The following SYNPR variants were observed in gnomAD, a reference collection of about 807,000 sequenced individuals.
SYNPR encodes synaptoporin.
In SYNPR, 23 loss-of-function variants were observed where a neutral mutation model predicts 32.9. The ratio of observed to expected loss-of-function variants is 0.70; its 90% confidence interval spans 0.50 to 0.99. SYNPR has a LOEUF of 0.99. Among genes scored for constraint, SYNPR ranks in the 50% least tolerant of loss-of-function variants. SYNPR has a pLI of 0.00. For missense variants in SYNPR, 318 were observed against 349.3 expected (o/e 0.91, Z 0.71); for synonymous variants, 146 against 135.9 (o/e 1.07, Z -0.52).
chr3:63,349,725 TCTGGAGAATCCAAGTTCCTTCTA>T (rs775072860), intron 2 of SYNPR, among the ~76,000 whole-genome samples: 133 of 152,284 alleles, frequency 8.7e-4, no homozygotes, highest in Non-Finnish European at 1.4e-3. Flanking sequence ...TTTTCTGTTA[TCTGGAGAATCCAAGTTCCTTCTA>T]CTCATTTTGA....
chr3:63,378,014 G>A (rs2087916916), intron 2 of SYNPR, among the ~76,000 whole-genome samples: 1 of 151,566 alleles, frequency 6.6e-6, no homozygotes, highest in Admixed American at 6.6e-5. Context: ...TATTATAAGA[G>A]CATAAAAACT....
At chr3:63,484,744 T>A (rs1442127722) in intron 3 of SYNPR, among the ~76,000 whole-genome samples, 1 of 152,188 alleles carries the variant, frequency 6.6e-6, no homozygotes, top group Non-Finnish European at 1.5e-5. Context: ...TTTGTTGACA[T>A]CACACAGAAA....
At chr3:63,609,903 C>T (rs963046860) in intron 5 of SYNPR, among the ~76,000 whole-genome samples, 1 of 152,054 alleles carries the variant, frequency 6.6e-6, no homozygotes, top group Non-Finnish European at 1.5e-5. Context: ...GAGTGAGACT[C>T]GGTCTCAAAA....
chr3:63,451,740 G>A (rs17068593), intron 2 of SYNPR, among the ~76,000 whole-genome samples: 2,611 of 152,204 alleles, frequency 0.017, 137 homozygotes, highest in South Asian at 0.15. Flanking sequence ...ACAGATGCTC[G>A]GAGAAAGCCT....
intron 3 of SYNPR, among the ~76,000 whole-genome samples, chr3:63,268,938 T>A (rs952246469): frequency 6.6e-6 from 1 of 152,218 alleles, no homozygotes; most frequent in Non-Finnish European, 1.5e-5. Context: ...TCTAGGTAAT[T>A]TTACTCACAG....
At chr3:63,402,747 C>T (rs1280471585) in intron 2 of SYNPR, among the ~76,000 whole-genome samples, 1 of 152,200 alleles carries the variant, frequency 6.6e-6, no homozygotes, top group Non-Finnish European at 1.5e-5. Flanking sequence ...TTTTCGTTTA[C>T]TGCTATATCC....
intron 2 of SYNPR, among the ~76,000 whole-genome samples, chr3:63,302,912 T>A (rs925566251): frequency 2.6e-5 from 4 of 151,994 alleles, no homozygotes; most frequent in Admixed American, 6.6e-5. Flanking sequence ...ATAATTTGAA[T>A]GTTTCTAGCA....
chr3:63,388,132 A>G (rs1426952978), intron 2 of SYNPR, among the ~76,000 whole-genome samples: 1 of 152,094 alleles, frequency 6.6e-6, no homozygotes, highest in African/African-American at 2.4e-5. Context: ...CAGTTACTGA[A>G]TGTGGGTTGT....
intron 2 of SYNPR, among the ~76,000 whole-genome samples, chr3:63,479,679 C>T (rs193200983): frequency 1.1e-4 from 17 of 152,270 alleles, no homozygotes; most frequent in Non-Finnish European, 2.2e-4. Context: ...GGTGATCTTG[C>T]CAGCTCCAGC....
chr3:63,493,534 G>A (rs6799217), intron 3 of SYNPR, among the ~76,000 whole-genome samples: 91,912 of 151,774 alleles, frequency 0.61, 28,057 homozygotes, highest in African/African-American at 0.67. Context: ...GGAGATTCCA[G>A]CCAGGCACGG....
intron 2 of SYNPR, among the ~76,000 whole-genome samples, chr3:63,379,762 T>G (rs2087942721): frequency 6.6e-6 from 1 of 152,148 alleles, no homozygotes. Flanking sequence ...TATGTATACA[T>G]GTGCCATGTT....
intron 2 of SYNPR, among the ~76,000 whole-genome samples, chr3:63,357,151 T>C (rs1343831781): frequency 6.6e-6 from 1 of 152,206 alleles, no homozygotes; most frequent in Non-Finnish European, 1.5e-5. Context: ...TTCTCAGCTT[T>C]ATCAGAGTCC....
At chr3:63,449,645 T>C (rs1424371368) in intron 2 of SYNPR, among the ~76,000 whole-genome samples, 1 of 152,200 alleles carries the variant, frequency 6.6e-6, no homozygotes, top group African/African-American at 2.4e-5. Context: ...ATTTCTACTT[T>C]TCTTTCTTTC....
At chr3:63,449,192 TC>T (rs1700335653) in intron 2 of SYNPR, among the ~76,000 whole-genome samples, 1 of 152,198 alleles carries the variant, frequency 6.6e-6, no homozygotes, top group African/African-American at 2.4e-5. Flanking sequence ...ACTATGATTT[TC>T]CCTGGCAATC....
chr3:63,218,725 A>T, the SYNPR span, among the ~76,000 whole-genome samples: 2 of 152,146 alleles, frequency 1.3e-5, no homozygotes, highest in African/African-American at 4.8e-5. Flanking sequence ...GTTTTTTCAT[A>T]AAGCGATACA....
intron 5 of SYNPR, among the ~76,000 whole-genome samples, chr3:63,612,356 TA>T (rs1442459347): frequency 1.3e-5 from 2 of 152,106 alleles, no homozygotes; most frequent in East Asian, 3.8e-4. Context: ...AAGGAAGAAA[TA>T]ATGTTTTTAG....
chr3:63,445,478 G>T (rs1700259267), intron 2 of SYNPR: 1 of 677,074 alleles, frequency 1.5e-6, no homozygotes, highest in Non-Finnish European at 2.7e-6. Context: ...AAAGACTTTT[G>T]TCATTTGGGG....
At chr3:63,480,738 C>A in intron 2 of SYNPR, 94 bp from the exon 3 acceptor site, 1 of 1,459,330 alleles carries the variant, frequency 6.9e-7, no homozygotes, top group Non-Finnish European at 9.2e-7. Flanking sequence ...ACCATAAATT[C>A]CCTCAATCCA....
At chr3:63,586,536 G>A (rs56961480) in intron 4 of SYNPR, among the ~76,000 whole-genome samples, 34,217 of 151,508 alleles carry the variant, frequency 0.23, 4,385 homozygotes, top group South Asian at 0.44. Flanking sequence ...TCTTTATTAT[G>A]AGTTTCTTGT....
Sources: gnomAD v4.1 joint callset for allele counts (sites outside exome capture counted in the v4.1 genomes callset) on GRCh38, gnomAD v4.1.1 for gene constraint, MANE v1.5 for transcripts, NCBI Gene and HGNC (gene_info 2026-07-23, HGNC 2026-07-21) for gene names.